The following DOP1B variants were observed in gnomAD, a reference collection of about 807,000 sequenced individuals.
DOP1B encodes DOP1 leucine zipper like protein B, also known as protein DOP1B.
A neutral mutation model predicts 233.5 loss-of-function variants in DOP1B; 174 were observed. That is an observed-to-expected ratio of 0.75 (90% confidence interval 0.66 to 0.85). The LOEUF is 0.85. Among genes scored for constraint, DOP1B ranks in the 40% least tolerant of loss-of-function variants. The pLI, the probability that DOP1B is intolerant of heterozygous loss-of-function variation, is 0.00. For missense variants in DOP1B, 2,652 were observed against 2,846.6 expected, an observed-to-expected ratio of 0.93 and a Z score of 1.56; for synonymous variants, 1,190 against 1,185.6, an observed-to-expected ratio of 1.00 and a Z score of -0.08.
intron 6 of DOP1B, 102 bp downstream of exon 6, chr21:36,211,753 G>A: frequency 7.4e-7 from 1 of 1,359,282 alleles, no homozygotes; most frequent in East Asian, 2.3e-5. Context: ...AGCCACTCAT[G>A]GGCATTATTT....
rs561857377 is a variant in DOP1B at position 36,211,367 on chromosome 21, G to A, written c.682-186G>A. ...GGAACAGTGAGGTCTGCAGCTGAAC[G>A]TCTTCTCCGATGTCACGCAGCCTGT... On this transcript the variant is annotated intron_variant, in intron 5 of 36. Transcript: ENST00000691173. Among the ~76,000 whole-genome samples, 5 of 152,266 alleles carry A rather than the reference G, an allele frequency of 3.3e-5. No homozygotes were observed. In the East Asian group the frequency reaches 5.8e-4, roughly 18 times the overall value.
At chr21:36,191,416 G>A (rs902572720) in intron 2 of DOP1B, among the ~76,000 whole-genome samples, 2 of 152,170 alleles carry the variant, frequency 1.3e-5, no homozygotes, top group African/African-American at 4.8e-5. Flanking sequence ...GGCTGCCTCA[G>A]GGTTTGCTGA....
chr21:36,183,857 A>G (rs1274300529), intron 2 of DOP1B, among the ~76,000 whole-genome samples: 1 of 148,256 alleles, frequency 6.7e-6, no homozygotes, highest in African/African-American at 2.5e-5. Flanking sequence ...TTTCCTGTGT[A>G]CATGGTTTCT....
intron 35 of DOP1B, among the ~76,000 whole-genome samples, chr21:36,291,823 G>A (rs1214084940): frequency 6.6e-6 from 1 of 152,160 alleles, no homozygotes; most frequent in Non-Finnish European, 1.5e-5. Flanking sequence ...TATATGGAAT[G>A]TCCACGATGA....
intron 23 of DOP1B, among the ~76,000 whole-genome samples, chr21:36,258,419 T>C (rs1411210663): frequency 6.6e-6 from 1 of 152,070 alleles, no homozygotes; most frequent in Non-Finnish European, 1.5e-5. Context: ...GAAAGACTTT[T>C]TTTTTTTTTC....
chr21:36,189,064 G>A (rs985179689), intron 2 of DOP1B, among the ~76,000 whole-genome samples: 24 of 152,050 alleles, frequency 1.6e-4, no homozygotes, highest in Admixed American at 1.1e-3. Context: ...ATTTTTCATC[G>A]TGTTCCCTAC....
At chr21:36,249,533 C>T (rs949123034) in intron 21 of DOP1B, among the ~76,000 whole-genome samples, 3 of 152,230 alleles carry the variant, frequency 2.0e-5, no homozygotes, top group African/African-American at 7.2e-5. Flanking sequence ...TGCGAGACAG[C>T]TCATCTCTGT....
chr21:36,238,543 G>A (rs2066853379), intron 16 of DOP1B, 58 bp from the exon 17 acceptor site: 6 of 1,438,144 alleles, frequency 4.2e-6, no homozygotes, highest in Non-Finnish European at 5.9e-6. Flanking sequence ...TATGGTGACT[G>A]AAGACAGTGG....
Position 36,246,669 on chromosome 21 carries a change from C to G in DOP1B, c.4689C>G (p.Leu1563=). Residue 1563 remains leucine, a synonymous_variant, in exon 19 of 37, where the codon CTC becomes CTG. Transcript: ENST00000691173. This position sits in a 1 kb window ranked among gnomAD's most constrained non-coding sequence, Gnocchi z 5.1. Reference sequence around the variant, plus strand: ...AGTATGAAAGCGAATCTGTGAAGCTCTCTGTCAGGTGCGTTACGCTCCTTG... The same window carrying G: ...AGTATGAAAGCGAATCTGTGAAGCTGTCTGTCAGGTGCGTTACGCTCCTTG... ...VKQYESESVK[L]SVSTTSKREN... 1 of 1,609,474 alleles carries G rather than the reference C, an allele frequency of 6.2e-7. No homozygotes were observed.
intron 27 of DOP1B, among the ~76,000 whole-genome samples, chr21:36,274,685 G>A (rs983077788): frequency 6.6e-6 from 1 of 152,082 alleles, no homozygotes; most frequent in Non-Finnish European, 1.5e-5. Context: ...ATTCATCGGG[G>A]TGGGTGGTCA....
chr21:36,218,516 C>T, intron 9 of DOP1B, among the ~76,000 whole-genome samples: 1 of 152,000 alleles, frequency 6.6e-6, no homozygotes, highest in Middle Eastern at 3.2e-3. Context: ...GAGCAAGACT[C>T]TGTCTCCAAA....
chr21:36,263,960 A>G (rs1303242792), intron 26 of DOP1B, 146 bp downstream of exon 26: 6 of 863,688 alleles, frequency 6.9e-6, no homozygotes, highest in African/African-American at 3.4e-5. Flanking sequence ...TACTTCTGCC[A>G]TCACTGTCTC....
intron 7 of DOP1B, among the ~76,000 whole-genome samples, 198 bp downstream of exon 7, chr21:36,212,295 TAA>T (rs1447765034): frequency 2.6e-5 from 4 of 152,154 alleles, no homozygotes; most frequent in Admixed American, 6.6e-5. Flanking sequence ...GTTTCTTTTT[TAA>T]AAAAGGGGAA....
At chr21:36,176,872 G>T (rs1601384492) in intron 2 of DOP1B, among the ~76,000 whole-genome samples, 1 of 152,022 alleles carries the variant, frequency 6.6e-6, no homozygotes, top group African/African-American at 2.4e-5. Context: ...AGGCTGGAGT[G>T]CAGTGACCCA....
At chr21:36,284,949 C>T (rs1394856670) in intron 32 of DOP1B, among the ~76,000 whole-genome samples, 1 of 150,200 alleles carries the variant, frequency 6.7e-6, no homozygotes, top group Non-Finnish European at 1.5e-5. Flanking sequence ...AAATATTATA[C>T]TATATAACAA....
At chr21:36,247,413 A>G in intron 19 of DOP1B, 104 bp from the exon 20 acceptor site, 2 of 601,226 alleles carry the variant, frequency 3.3e-6, no homozygotes, top group Middle Eastern at 2.7e-4. Context: ...TTTATTTGGG[A>G]TGGTGATCTC....
intron 2 of DOP1B, among the ~76,000 whole-genome samples, chr21:36,173,670 G>A (rs1242605586): frequency 2.6e-5 from 4 of 151,960 alleles, no homozygotes; most frequent in South Asian, 4.1e-4. Context: ...TGATTCATCC[G>A]CCTCGGCCTC....
At chr21:36,206,529 CAAA>C (rs71232580) in intron 4 of DOP1B, among the ~76,000 whole-genome samples, 2 of 127,212 alleles carry the variant, frequency 1.6e-5, no homozygotes, top group Non-Finnish European at 1.7e-5. Flanking sequence ...CACCCTGCCT[CAAA>C]AAAAAAAAAA....
chr21:36,228,763 C>A (rs1418939469), intron 13 of DOP1B, among the ~76,000 whole-genome samples: 1 of 146,602 alleles, frequency 6.8e-6, no homozygotes, highest in Non-Finnish European at 1.5e-5. Flanking sequence ...GAGACTCTGT[C>A]TCAAAATAAA....
Sources: gnomAD v4.1 joint callset for allele counts (sites outside exome capture counted in the v4.1 genomes callset) on GRCh38, gnomAD v4.1.1 for gene constraint, Gnocchi (gnomAD v3.1) non-coding constraint, MANE v1.5 for transcripts, NCBI Gene and HGNC (gene_info 2026-07-23, HGNC 2026-07-21) for gene names.